The following ADAMTS2 variants were observed in gnomAD, a reference collection of about 807,000 sequenced individuals.
The protein encoded by ADAMTS2 is A disintegrin and metalloproteinase with thrombospondin motifs 2.
In ADAMTS2, 50 loss-of-function variants were observed where a neutral mutation model predicts 123.0. The observed-to-expected ratio is 0.41, with a 90% CI of 0.32 to 0.51. The LOEUF is 0.51. ADAMTS2 is among the 20% of genes least tolerant of loss of function. The probability of loss-of-function intolerance (pLI) is 0.35; values close to 1 mark genes in which losing one functional copy is unlikely to be tolerated. For synonymous variants in ADAMTS2, 678 were observed against 695.4 expected, an observed-to-expected ratio of 0.98 and a Z score of 0.39; for missense variants, 1,494 against 1,705.2, an observed-to-expected ratio of 0.88 and a Z score of 2.18.
chr5:179,268,538 C>G (rs370675995), intron 3 of ADAMTS2, among the ~76,000 whole-genome samples: 1 of 152,210 alleles, frequency 6.6e-6, no homozygotes, highest in Non-Finnish European at 1.5e-5. Flanking sequence ...GTCCCAAGGT[C>G]AGTCTCTGGG....
At chr5:179,282,489 T>C (rs1766943571) in intron 2 of ADAMTS2, among the ~76,000 whole-genome samples, 1 of 152,320 alleles carries the variant, frequency 6.6e-6, no homozygotes, top group African/African-American at 2.4e-5. Context: ...CCAATCTATA[T>C]GTCTATCCTT....
intron 3 of ADAMTS2, among the ~76,000 whole-genome samples, chr5:179,270,001 C>T (rs540355972): frequency 6.6e-6 from 1 of 152,296 alleles, no homozygotes; most frequent in Non-Finnish European, 1.5e-5. Flanking sequence ...ACCCTCCCCG[C>T]TCCCTCACCC....
rs1764257932 is a variant in ADAMTS2, at chr5:179,189,625, G to A, written c.892-8470C>T. ...GCCCGCCTCGGCCTCCCAAAGTGCT[G>A]GGATTACAGGCGTGAGCCACCGCGC... On this transcript the variant is annotated intron_variant, in intron 4 of 21. Coordinates refer to ENST00000251582, the MANE Select transcript of ADAMTS2 (RefSeq NM_014244.5). This position sits in a 1 kb window ranked among gnomAD's most constrained non-coding sequence, Gnocchi z 4.2. Among the ~76,000 whole-genome samples, 1 of 148,566 alleles carries A rather than the reference G, an allele frequency of 6.7e-6. No individual in the cohort carries two copies. The highest frequency in any genetic ancestry group is 6.8e-5 in the Admixed American group (1 of 14,604).
At position 179,135,939 on chromosome 5, in the gene ADAMTS2, G is replaced by C; in HGVS notation, c.2055C>G (p.Ala685=). 1 of 1,613,254 alleles carries C rather than the reference G, an allele frequency of 6.2e-7. No individual in the cohort carries two copies. The highest frequency in any genetic ancestry group is 8.5e-7 in the Non-Finnish European group (1 of 1,180,030). ...AGTCCCCGCGCACACAGAGGCTGAA[G>C]GCGTCCTTGTAGGAGCAGCGCGTCC... ...HDGTRCSYKD[A]FSLCVRGDCR... The change falls in exon 13 of 22, where the codon GCC becomes GCG. Residue 685 remains alanine, a synonymous_variant. Transcript: ENST00000251582.
At position 179,185,756 on chromosome 5, in the gene ADAMTS2, C is replaced by T. The variant is rs1169904567; in HGVS notation, c.892-4601G>A. ...TAGGCGTGGGCCCCTGGCTGGGGAG[C>T]TCCACTGTGGGCTGTCCGCCAGCAG... On this transcript the variant is annotated intron_variant, in intron 4 of 21. Coordinates refer to ENST00000251582, the MANE Select transcript of ADAMTS2 (RefSeq NM_014244.5). The surrounding 1 kb of genome is among the most constrained non-coding windows in gnomAD (Gnocchi z 5.9). 1.1e-4 allele frequency among the ~76,000 whole-genome samples: 16 copies of T among 152,122 alleles called. No homozygotes were observed. Among genetic ancestry groups the T allele is most frequent in the African/African-American group, 3.9e-4 (16 of 41,512 alleles).
At chr5:179,292,983 G>A (rs781268264) in intron 2 of ADAMTS2, among the ~76,000 whole-genome samples, 3 of 152,184 alleles carry the variant, frequency 2.0e-5, no homozygotes, top group African/African-American at 4.8e-5. Flanking sequence ...CAGGAGCTAC[G>A]CTGGCCGGTC....
chr5:179,339,479 T>C (rs1323444825), intron 2 of ADAMTS2, among the ~76,000 whole-genome samples: 4 of 152,206 alleles, frequency 2.6e-5, no homozygotes, highest in Non-Finnish European at 4.4e-5. Flanking sequence ...ATTGGGGCCA[T>C]GCTGTCCCTT....
At chr5:179,213,181 C>A (rs1473309872) in intron 3 of ADAMTS2, among the ~76,000 whole-genome samples, 1 of 152,160 alleles carries the variant, frequency 6.6e-6, no homozygotes, top group Non-Finnish European at 1.5e-5. Context: ...GGGATGGCCG[C>A]CCCCTCATTG....
At chr5:179,291,157 G>A (rs1277799759) in intron 2 of ADAMTS2, among the ~76,000 whole-genome samples, 1 of 152,214 alleles carries the variant, frequency 6.6e-6, no homozygotes, top group Non-Finnish European at 1.5e-5. Context: ...CGTGGGTTTT[G>A]AGGATTCCCA....
At chr5:179,143,793 T>C (rs180768244) in intron 10 of ADAMTS2, among the ~76,000 whole-genome samples, 124 of 152,348 alleles carry the variant, frequency 8.1e-4, no homozygotes, top group Non-Finnish European at 1.8e-4. Flanking sequence ...TTTTCTTGAT[T>C]TCATCGCCCA....
At position 179,281,368 on chromosome 5, in the gene ADAMTS2, G is replaced by A. The variant is rs79059419; in HGVS notation, c.535-8304C>T. On this transcript the variant is annotated intron_variant, in intron 2 of 21. Coordinates refer to ENST00000251582, the MANE Select transcript of ADAMTS2 (RefSeq NM_014244.5). ...AACCTCTCCTCCCCAACCCAGCCCT[G>A]GGCAACCACTAATCTACATTCTGTC... is the stretch of plus-strand genomic sequence containing the variant. Among the ~76,000 whole-genome samples the A allele has an allele frequency of 7.0e-3, 1,062 of 152,168 alleles. 19 individuals carry two copies. Among genetic ancestry groups the A allele is most frequent in the African/African-American group, 0.024 (983 of 41,494 alleles).
intron 10 of ADAMTS2, among the ~76,000 whole-genome samples, chr5:179,149,021 G>A (rs900930998): frequency 3.3e-5 from 5 of 152,142 alleles, no homozygotes; most frequent in Non-Finnish European, 7.4e-5. Context: ...AGCATGGAGG[G>A]GAGGGGAACA....
chr5:179,307,640 C>A lies in ADAMTS2; in HGVS notation c.535-34576G>T, dbSNP rs184053579. Among the ~76,000 whole-genome samples, 24 of 152,308 alleles carry A rather than the reference C, an allele frequency of 1.6e-4. No homozygotes were observed. The highest frequency in any genetic ancestry group is 2.6e-4 in the Non-Finnish European group (18 of 68,030). ...AGCGGCTTCCCACCACATGACTGCC[C>A]CGGTCCCCGCTGATTTCTCCTTCAC... On this transcript the variant is annotated intron_variant, in intron 2 of 21. Transcript: ENST00000251582. The surrounding 1 kb of genome is among the most constrained non-coding windows in gnomAD (Gnocchi z 5.6).
intron 2 of ADAMTS2, among the ~76,000 whole-genome samples, chr5:179,316,048 A>G (rs1756980629): frequency 6.6e-6 from 1 of 152,242 alleles, no homozygotes; most frequent in African/African-American, 2.4e-5. Flanking sequence ...ACCCACGATA[A>G]TGAAACCTAA....
intron 3 of ADAMTS2, among the ~76,000 whole-genome samples, chr5:179,251,577 C>T (rs376146096): frequency 2.0e-5 from 3 of 152,198 alleles, no homozygotes; most frequent in African/African-American, 7.2e-5. Context: ...GACCTAGCCC[C>T]GGCCCTCCAG....
At position 179,111,706 on chromosome 5, in the gene ADAMTS2, ACT is replaced by A. The variant is rs1190078555; in HGVS notation, c.*2159_*2160del. 11 of 152,148 alleles carry A rather than the reference ACT, an allele frequency of 7.2e-5. No homozygotes were observed. Among genetic ancestry groups the A allele is most frequent in the African/African-American group, 2.4e-4 (10 of 41,412 alleles). 9.4% of individuals were successfully genotyped at this position (152,148 alleles called of 1,614,324 possible). A position where few individuals can be genotyped will look rare whatever the true frequency, so the allele number is the denominator to read the frequency against. ...CCCTAGGCTGGGTAAACCGAGTCAT[ACT>A]CTCTGCCTAGCGTTAGTCCTGAACT... is the stretch of plus-strand genomic sequence containing the variant. On this transcript the variant is annotated 3_prime_UTR_variant, in exon 22 of 22. Transcript: ENST00000251582.
At chr5:179,247,796 A>T (rs460874) in intron 3 of ADAMTS2, among the ~76,000 whole-genome samples, 23,279 of 86,274 alleles carry the variant, frequency 0.27, 2,403 homozygotes, top group East Asian at 0.48. Flanking sequence ...CAAAAATACA[A>T]GAAAAATTAA....
rs114949258 is a variant in ADAMTS2 at position 179,260,939 on chromosome 5, G to A, written c.688+11972C>T. 3.9e-3 allele frequency among the ~76,000 whole-genome samples: 596 copies of A among 152,198 alleles called. 6 individuals carry two copies. The highest frequency in any genetic ancestry group is 0.014 in the African/African-American group (566 of 41,522). Reference sequence around the variant, plus strand: ...CCTATTAAATGACACCATGAAGAGTGCCCACCTTCGCGCAGGCCCTCGGTG... The same window carrying A: ...CCTATTAAATGACACCATGAAGAGTACCCACCTTCGCGCAGGCCCTCGGTG... On this transcript the variant is annotated intron_variant, in intron 3 of 21. Coordinates refer to ENST00000251582, the MANE Select transcript of ADAMTS2 (RefSeq NM_014244.5). The surrounding 1 kb of genome is among the most constrained non-coding windows in gnomAD (Gnocchi z 4.2).
At position 179,202,703 on chromosome 5, in the gene ADAMTS2, A is replaced by G. The variant is rs1472210842; in HGVS notation, c.891+4810T>C. Among the ~76,000 whole-genome samples the G allele has an allele frequency of 1.3e-5, 2 of 152,008 alleles. No homozygotes were observed. The highest frequency in any genetic ancestry group is 4.8e-5 in the African/African-American group (2 of 41,378). On this transcript the variant is annotated intron_variant, in intron 4 of 21. Transcript: ENST00000251582. The surrounding 1 kb of genome is among the most constrained non-coding windows in gnomAD (Gnocchi z 4.0). ...CCACCCCATCTCAGCAGCTGAACAC[A>G]ATACACCGCACACCGTGTTTCCTTA...
Sources: gnomAD v4.1 joint callset for allele counts (sites outside exome capture counted in the v4.1 genomes callset) on GRCh38, gnomAD v4.1.1 for gene constraint, Gnocchi (gnomAD v3.1) non-coding constraint, MANE v1.5 for transcripts, NCBI Gene and HGNC (gene_info 2026-07-23, HGNC 2026-07-21) for gene names.